Variants in NAV2 observed in about 807,000 individuals in gnomAD.
NAV2 encodes the protein helicase, APC down-regulated 1.
A neutral mutation model predicts 223.2 loss-of-function variants in NAV2; 54 were observed. The observed-to-expected ratio is 0.24, with a 90% CI of 0.19 to 0.30. The LOEUF is 0.30. NAV2 is among the 10% of genes least tolerant of loss of function. The pLI is 1.00. For synonymous variants in NAV2, 1,279 were observed against 1,239.3 expected, an observed-to-expected ratio of 1.03 and a Z score of -0.67; for missense variants, 2,806 against 3,147.5, an observed-to-expected ratio of 0.89 and a Z score of 2.60.
Position 19,488,742 on chromosome 11 carries a change from T to C in NAV2, c.75+137715T>C, listed in dbSNP as rs189587924. Among the ~76,000 whole-genome samples, 245 of 152,366 alleles carry C rather than the reference T, an allele frequency of 1.6e-3. 2 individuals carry two copies. The highest frequency in any genetic ancestry group is 5.6e-3 in the African/African-American group (233 of 41,590). Reference sequence around the variant, plus strand: ...AATAATAAATTCCACCTTTGCATTATTATTGACATAATTATATACAAATAC... The same window carrying C: ...AATAATAAATTCCACCTTTGCATTACTATTGACATAATTATATACAAATAC... On this transcript the variant is annotated intron_variant, in intron 1 of 37. Transcript: ENST00000360655.
At chr11:19,398,596 T>C (rs768898149) in intron 1 of NAV2, among the ~76,000 whole-genome samples, 4 of 152,106 alleles carry the variant, frequency 2.6e-5, no homozygotes, top group Non-Finnish European at 5.9e-5. Context: ...CTATGTTCCA[T>C]TCACCCTCTG....
chr11:19,923,756 T>A (rs2044481781), intron 6 of NAV2, among the ~76,000 whole-genome samples: 1 of 152,240 alleles, frequency 6.6e-6, no homozygotes. Context: ...TGAAATTTCA[T>A]ACACTCTTGG....
At chr11:19,989,659 T>G (rs1459024965) in intron 11 of NAV2, among the ~76,000 whole-genome samples, 1 of 152,214 alleles carries the variant, frequency 6.6e-6, no homozygotes, top group South Asian at 2.1e-4. Context: ...GATGGGTTGC[T>G]CTATGCCAGG....
At chr11:19,951,831 T>C (rs2153377066) in intron 10 of NAV2, among the ~76,000 whole-genome samples, 1 of 152,358 alleles carries the variant, frequency 6.6e-6, no homozygotes, top group East Asian at 1.9e-4. Flanking sequence ...GCATGTGTGA[T>C]AGCACTTAGA....
Position 20,075,519 on chromosome 11 carries a change from G to A in NAV2, c.4984-2033G>A, listed in dbSNP as rs920534466. 7.9e-5 allele frequency among the ~76,000 whole-genome samples: 12 copies of A among 152,148 alleles called. No individual in the cohort carries two copies. The East Asian group carries it at 2.3e-3, about 30-fold the overall frequency. ...GCCTCCCAAAGTGCTGGGATTACAG[G>A]CATGAGCTACCACGCCTGGCCTGTC... On this transcript the variant is annotated intron_variant, in intron 22 of 37. Transcript: ENST00000349880.
rs747185763 is a variant in NAV2, at chr11:20,103,239, T to G, written c.6418-16T>G. ...TTCACCCACTTGTTCTCCTTCGGCCTTCCTGGCCACCATAGGAATTGCGCC... is the reference window on the plus strand; with the variant it reads ...TTCACCCACTTGTTCTCCTTCGGCCGTCCTGGCCACCATAGGAATTGCGCC... On this transcript the variant is annotated splice_polypyrimidine_tract_variant and intron_variant, in intron 32 of 37. Coordinates refer to ENST00000349880, the MANE Select transcript of NAV2 (RefSeq NM_145117.5). 6.2e-7 allele frequency: 1 copy of G among 1,606,044 alleles called. No homozygotes were observed. Among genetic ancestry groups the G allele is most frequent in the Non-Finnish European group, 8.5e-7 (1 of 1,175,382 alleles).
At chr11:19,723,612 A>G (rs1364512043) in intron 1 of NAV2, among the ~76,000 whole-genome samples, 1 of 152,068 alleles carries the variant, frequency 6.6e-6, no homozygotes, top group Non-Finnish European at 1.5e-5. Flanking sequence ...TGCCTGTGCC[A>G]GCTTGTTGCC....
chr11:19,384,639 C>T (rs1295798816), intron 1 of NAV2: 4 of 152,292 alleles, frequency 2.6e-5, no homozygotes, highest in African/African-American at 9.6e-5. Flanking sequence ...TAGTGTGAAT[C>T]CTGTCATGGA....
intron 1 of NAV2, among the ~76,000 whole-genome samples, chr11:19,466,983 C>CTA (rs1322097530): frequency 1.4e-4 from 10 of 71,246 alleles, no homozygotes; most frequent in African/African-American, 3.5e-4. Flanking sequence ...CTCTCTCTCT[C>CTA]TACACACACA....
intron 1 of NAV2, among the ~76,000 whole-genome samples, chr11:19,812,045 C>T (rs917991972): frequency 2.0e-5 from 3 of 152,128 alleles, no homozygotes; most frequent in East Asian, 1.9e-4. Flanking sequence ...TTTTTTCCAT[C>T]GCCTTTCCAT....
In NAV2 at chr11:19,595,447, A is replaced by G. The variant is rs80108273; in HGVS notation, c.76-237037A>G. On this transcript the variant is annotated intron_variant, in intron 1 of 37. Coordinates refer to the NAV2 transcript ENST00000360655. ...TTACTTCATGCAACAACACTATGAA[A>G]TGTTCTATTATTATCCCCATTTTAT... Among the ~76,000 whole-genome samples the G allele has an allele frequency of 9.4e-3, 1,435 of 152,342 alleles. 36 individuals are homozygous for G. The highest frequency in any genetic ancestry group is 0.033 in the African/African-American group (1,373 of 41,568).
chr11:19,545,552 A>G (rs1404676321), intron 1 of NAV2, among the ~76,000 whole-genome samples: 2 of 152,190 alleles, frequency 1.3e-5, no homozygotes, highest in Non-Finnish European at 2.9e-5. Flanking sequence ...CTCATCAGAC[A>G]ATGTAGCTTG....
chr11:19,869,658 A>G (rs2062344003), intron 4 of NAV2, among the ~76,000 whole-genome samples: 1 of 152,184 alleles, frequency 6.6e-6, no homozygotes, highest in African/African-American at 2.4e-5. Flanking sequence ...AGCAGCTGCC[A>G]GCTCAGAGCT....
chr11:20,010,540 A>T (rs1459115315), intron 11 of NAV2, among the ~76,000 whole-genome samples: 1 of 152,172 alleles, frequency 6.6e-6, no homozygotes, highest in African/African-American at 2.4e-5. Context: ...TTTGAAATTC[A>T]AACACGCCTC....
At chr11:19,571,911 G>C (rs901672754) in intron 1 of NAV2, among the ~76,000 whole-genome samples, 1 of 152,144 alleles carries the variant, frequency 6.6e-6, no homozygotes, top group African/African-American at 2.4e-5. Flanking sequence ...AATAGGAAGT[G>C]CAGAGATGGG....
intron 1 of NAV2, among the ~76,000 whole-genome samples, chr11:19,374,729 G>C (rs769376131): frequency 1.3e-5 from 2 of 152,102 alleles, no homozygotes; most frequent in Non-Finnish European, 2.9e-5. Flanking sequence ...ATGAATTCAG[G>C]AGAGATCAGG....
intron 2 of NAV2, among the ~76,000 whole-genome samples, chr11:19,836,886 G>A (rs949642631): frequency 3.9e-5 from 6 of 152,244 alleles, no homozygotes; most frequent in East Asian, 1.9e-4. Context: ...TCTTTTCACC[G>A]TGTCCTTCCA....
chr11:19,713,795 C>A lies in NAV2; in HGVS notation c.100C>A (p.Pro34Thr), dbSNP rs750666461. 1.2e-6 allele frequency: 2 copies of A among 1,613,020 alleles called. No individual in the cohort carries two copies. Among genetic ancestry groups the A allele is most frequent in the South Asian group, 2.2e-5 (2 of 90,960 alleles). ...ILHVPPARAG[P>T]QPCYLKLGSK... ...GCACGTGCCCCCGGCCCGGGCGGGC[C>A]CCCAGCCCTGCTACCTGAAGTTGGG... The change falls in exon 1 of 38, where the codon CCC becomes ACC. Residue 34 changes from proline to threonine, a missense_variant. Pro to Thr is a conservative substitution (Grantham distance 38). Transcript: ENST00000349880. This position sits in a 1 kb window ranked among gnomAD's most constrained non-coding sequence, Gnocchi z 7.2.
At chr11:19,830,595 G>A (rs1419235556) in intron 1 of NAV2, among the ~76,000 whole-genome samples, 1 of 152,154 alleles carries the variant, frequency 6.6e-6, no homozygotes, top group Non-Finnish European at 1.5e-5. Flanking sequence ...TATGTTAGTT[G>A]GATTTATTAA....
Sources: allele counts gnomAD v4.1 joint callset (sites outside exome capture counted in the v4.1 genomes callset), GRCh38; gene constraint gnomAD v4.1.1; non-coding constraint Gnocchi (gnomAD v3.1); transcripts MANE v1.5; gene names NCBI Gene and HGNC (gene_info 2026-07-23, HGNC 2026-07-21).